EYS: variants seen among roughly 807,000 people sequenced by gnomAD.
EYS encodes protein eyes shut homolog.
EYS carries 250 observed loss-of-function variants against 282.1 expected under a neutral mutation model. The ratio of observed to expected loss-of-function variants is 0.89; its 90% confidence interval spans 0.80 to 0.98. EYS has a LOEUF of 0.98. EYS is among the 50% of genes least tolerant of loss of function. The pLI, the probability that EYS is intolerant of heterozygous loss-of-function variation, is 0.00. For synonymous variants in EYS, 1,355 were observed against 1,282.9 expected (o/e 1.06, Z -1.20); for missense variants, 4,016 against 3,709.0 (o/e 1.08, Z -2.15).
chr6:65,239,975 T>C (rs1473231476), intron 12 of EYS, among the ~76,000 whole-genome samples: 1 of 150,980 alleles, frequency 6.6e-6, no homozygotes, highest in Non-Finnish European at 1.5e-5. Flanking sequence ...TATTTTGATT[T>C]TTTTTTTTTT....
chr6:64,582,752 A>G (rs1766115091), intron 26 of EYS, among the ~76,000 whole-genome samples: 1 of 152,176 alleles, frequency 6.6e-6, no homozygotes, highest in South Asian at 2.1e-4. Context: ...TAGAATGTCA[A>G]TAACACTATT....
At chr6:65,000,635 G>C (rs1018221158) in intron 13 of EYS, among the ~76,000 whole-genome samples, 2 of 152,014 alleles carry the variant, frequency 1.3e-5, no homozygotes, top group African/African-American at 4.8e-5. Flanking sequence ...AAAATTAGCC[G>C]GGCTTGGTGG....
rs1052268406 is a variant in EYS, at chr6:63,833,375, G to T, written c.7229-27003C>A. Among the ~76,000 whole-genome samples, 3 of 152,128 alleles carry T rather than the reference G, an allele frequency of 2.0e-5. No individual in the cohort carries two copies. In the East Asian group the frequency reaches 5.8e-4, roughly 29 times the overall value. On this transcript the variant is annotated intron_variant, in intron 36 of 42. Transcript: ENST00000503581. The stretch of plus-strand genomic sequence containing the variant: ...ATAAGCAACTTCGGCAAAGTTTCAG[G>T]ATACAAAATCAATGTGCAAAAATCA...
At chr6:64,064,003 T>G (rs530515266) in intron 33 of EYS, among the ~76,000 whole-genome samples, 13 of 152,272 alleles carry the variant, frequency 8.5e-5, no homozygotes, top group Middle Eastern at 3.4e-3. Context: ...TCATGTACTC[T>G]TCCCTTGCCT....
chr6:64,337,931 G>T (rs182210802), intron 29 of EYS, among the ~76,000 whole-genome samples: 1 of 151,890 alleles, frequency 6.6e-6, no homozygotes, highest in African/African-American at 2.4e-5. Flanking sequence ...ATTCAGTATT[G>T]CTTTATGATT....
chr6:64,334,891 T>C (rs1292849994), intron 29 of EYS, among the ~76,000 whole-genome samples: 1 of 152,002 alleles, frequency 6.6e-6, no homozygotes, highest in Non-Finnish European at 1.5e-5. Flanking sequence ...GTTTTCATGG[T>C]TTGGAGGCTT....
chr6:64,504,374 C>T (rs1424315495), intron 26 of EYS, among the ~76,000 whole-genome samples: 2 of 152,028 alleles, frequency 1.3e-5, no homozygotes, highest in Non-Finnish European at 2.9e-5. Context: ...GATGAATGGC[C>T]CAAATATAAG....
At chr6:65,410,551 C>T (rs1272183213) in intron 5 of EYS, among the ~76,000 whole-genome samples, 3 of 151,808 alleles carry the variant, frequency 2.0e-5, no homozygotes, top group Admixed American at 1.3e-4. Flanking sequence ...CCTCTTCCTT[C>T]CCCTCCCCAG....
intron 40 of EYS, among the ~76,000 whole-genome samples, chr6:63,770,634 G>A (rs913297380): frequency 1.3e-5 from 2 of 152,106 alleles, no homozygotes; most frequent in African/African-American, 4.8e-5. Flanking sequence ...CATCTCCTGT[G>A]TGGATGACTT....
At chr6:64,554,082 A>G (rs1765170391) in intron 26 of EYS, among the ~76,000 whole-genome samples, 1 of 152,112 alleles carries the variant, frequency 6.6e-6, no homozygotes, top group African/African-American at 2.4e-5. Flanking sequence ...TTTATTTCTG[A>G]AAAATATTTG....
chr6:64,958,317 G>T (rs978599040), intron 14 of EYS, among the ~76,000 whole-genome samples: 1 of 152,052 alleles, frequency 6.6e-6, no homozygotes, highest in East Asian at 1.9e-4. Flanking sequence ...GGGAGGCAGC[G>T]GTTGCAGTGA....
intron 13 of EYS, among the ~76,000 whole-genome samples, chr6:65,019,264 G>A (rs746583769): frequency 2.0e-5 from 3 of 151,964 alleles, no homozygotes; most frequent in African/African-American, 2.4e-5. Context: ...TTTTTCTCAC[G>A]TTTCTAAAAA....
At chr6:64,421,445 G>T (rs1774230556) in intron 28 of EYS, among the ~76,000 whole-genome samples, 2 of 152,050 alleles carry the variant, frequency 1.3e-5, no homozygotes, top group South Asian at 4.1e-4. Flanking sequence ...TTGAAGGGGA[G>T]GGCAATTTAG....
intron 4 of EYS, 54 bp downstream of exon 4, chr6:65,494,609 A>C (rs886713414): frequency 2.8e-6 from 4 of 1,428,568 alleles, no homozygotes; most frequent in Non-Finnish European, 3.8e-6. Context: ...AACAGTTTAT[A>C]AATGCACTGT....
intron 22 of EYS, among the ~76,000 whole-genome samples, chr6:64,682,957 C>A (rs567166842): frequency 1.5e-3 from 226 of 152,228 alleles, no homozygotes; most frequent in African/African-American, 4.9e-3. Context: ...ATACCTAACA[C>A]CCCTAAGAAA....
intron 13 of EYS, among the ~76,000 whole-genome samples, chr6:65,029,800 G>T (rs1448434703): frequency 6.6e-6 from 1 of 152,128 alleles, no homozygotes; most frequent in Non-Finnish European, 1.5e-5. Flanking sequence ...AATTCAGAGC[G>T]GATGGAAAGA....
chr6:65,263,915 A>G (rs1195221930), intron 12 of EYS, among the ~76,000 whole-genome samples: 1 of 152,050 alleles, frequency 6.6e-6, no homozygotes, highest in Admixed American at 6.6e-5. Flanking sequence ...CTGTCTCTCA[A>G]TAAAAAACAA....
intron 12 of EYS, among the ~76,000 whole-genome samples, chr6:65,139,608 C>A (rs1248044630): frequency 6.6e-6 from 1 of 152,040 alleles, no homozygotes; most frequent in East Asian, 1.9e-4. Flanking sequence ...CAAATACAGA[C>A]CCGCTCCCAC....
chr6:64,041,738 CTT>C (rs1356570959), intron 33 of EYS, among the ~76,000 whole-genome samples: 1 of 152,148 alleles, frequency 6.6e-6, no homozygotes, highest in Non-Finnish European at 1.5e-5. Context: ...ATAAAACTGT[CTT>C]TGCCTCTTTC....
Sources: allele counts gnomAD v4.1 joint callset (sites outside exome capture counted in the v4.1 genomes callset), GRCh38; gene constraint gnomAD v4.1.1; transcripts MANE v1.5; gene names NCBI Gene and HGNC (gene_info 2026-07-23, HGNC 2026-07-21).